The following PVT1 variants were observed in gnomAD, a reference collection of about 807,000 sequenced individuals.
The protein encoded by PVT1 is Pvt1 oncogene.
At chr8:127,805,888 G>A (rs963597980) in intron 2 of PVT1, among the ~76,000 whole-genome samples, 2 of 152,124 alleles carry the variant, frequency 1.3e-5, no homozygotes, top group East Asian at 1.9e-4. Flanking sequence ...AGTGAGACAC[G>A]AAGACTCAGT....
At chr8:128,025,357 G>C (rs1159348918) in intron 4 of PVT1, among the ~76,000 whole-genome samples, 1 of 152,168 alleles carries the variant, frequency 6.6e-6, no homozygotes, top group Non-Finnish European at 1.5e-5. Context: ...TGTCAGGCAG[G>C]TAATAATCCC....
chr8:127,809,515 G>T (rs1009241534), intron 2 of PVT1, among the ~76,000 whole-genome samples: 1 of 152,164 alleles, frequency 6.6e-6, no homozygotes, highest in African/African-American at 2.4e-5. Context: ...TTTGAGGTGG[G>T]GCAGGGATGA....
intron 3 of PVT1, chr8:127,948,318 A>C: frequency 3.6e-5 from 6 of 167,956 alleles, no homozygotes; most frequent in East Asian, 1.6e-4. Flanking sequence ...AAGGAGACCG[A>C]CTCTAGGTGG....
At chr8:127,908,027 A>G (rs1325964917) in intron 3 of PVT1, among the ~76,000 whole-genome samples, 1 of 152,136 alleles carries the variant, frequency 6.6e-6, no homozygotes, top group Non-Finnish European at 1.5e-5. Flanking sequence ...GTGACTAAGG[A>G]GGAAATTCCA....
chr8:127,984,544 C>T (rs1816922490), intron 3 of PVT1, among the ~76,000 whole-genome samples: 1 of 152,226 alleles, frequency 6.6e-6, no homozygotes, highest in South Asian at 2.1e-4. Flanking sequence ...TTGTGTTGAG[C>T]ACTCTGCAGA....
intron 4 of PVT1, among the ~76,000 whole-genome samples, chr8:128,036,165 C>T (rs1445765367): frequency 3.3e-5 from 5 of 152,196 alleles, no homozygotes; most frequent in Non-Finnish European, 7.3e-5. Context: ...AGTTCACGTT[C>T]ACCTTTTGTT....
At chr8:127,907,236 T>G (rs1480572442) in intron 3 of PVT1, among the ~76,000 whole-genome samples, 1 of 151,886 alleles carries the variant, frequency 6.6e-6, no homozygotes, top group Non-Finnish European at 1.5e-5. Context: ...CCCAAAGTGC[T>G]GGGATTACAG....
chr8:127,897,534 GAA>G (rs145672271), intron 3 of PVT1, among the ~76,000 whole-genome samples: 4,513 of 144,360 alleles, frequency 0.031, 216 homozygotes, highest in African/African-American at 0.11. Context: ...AAAGAGGAAA[GAA>G]AGAAAGAGGA....
chr8:128,057,402 T>C (rs958427329), intron 4 of PVT1, among the ~76,000 whole-genome samples: 2 of 152,176 alleles, frequency 1.3e-5, no homozygotes, highest in African/African-American at 4.8e-5. Context: ...CAGGGAGATA[T>C]GTTAAGATTT....
chr8:128,036,434 C>T (rs1813463195), intron 4 of PVT1, among the ~76,000 whole-genome samples: 1 of 152,170 alleles, frequency 6.6e-6, no homozygotes, highest in Non-Finnish European at 1.5e-5. Context: ...ACAGGGATGT[C>T]ACAATGCAGG....
At chr8:127,907,331 G>T (rs535191826) in intron 3 of PVT1, among the ~76,000 whole-genome samples, 1 of 152,282 alleles carries the variant, frequency 6.6e-6, no homozygotes, top group East Asian at 1.9e-4. Context: ...ATGTCAAAAT[G>T]CGGTGCTGTA....
chr8:128,022,862 A>ATTTT (rs57327175), intron 4 of PVT1, among the ~76,000 whole-genome samples: 2 of 133,954 alleles, frequency 1.5e-5, no homozygotes. Context: ...GCAAGCTGAG[A>ATTTT]TTTTTTTTTT....
chr8:128,076,085 G>T (rs1814086000), intron 5 of PVT1, among the ~76,000 whole-genome samples: 1 of 152,220 alleles, frequency 6.6e-6, no homozygotes, highest in South Asian at 2.1e-4. Context: ...ACCCCACAGG[G>T]TTGGATAGTG....
chr8:128,098,643 C>T (rs932846248), intron 6 of PVT1, among the ~76,000 whole-genome samples: 2 of 152,302 alleles, frequency 1.3e-5, no homozygotes, highest in South Asian at 4.2e-4. Flanking sequence ...TACCTGGCAG[C>T]GTGTCTTATA....
chr8:127,892,706 G>C (rs1815626865), intron 3 of PVT1, among the ~76,000 whole-genome samples: 1 of 152,154 alleles, frequency 6.6e-6, no homozygotes, highest in Non-Finnish European at 1.5e-5. Flanking sequence ...GTGACGGTGA[G>C]CTGCAGCAGG....
chr8:128,040,188 C>T (rs570997793), intron 4 of PVT1, among the ~76,000 whole-genome samples: 2 of 152,228 alleles, frequency 1.3e-5, no homozygotes, highest in African/African-American at 2.4e-5. Flanking sequence ...ACATGGAGTA[C>T]GTTTTGAATG....
At chr8:127,923,456 C>T (rs1226492098) in intron 3 of PVT1, among the ~76,000 whole-genome samples, 1 of 152,066 alleles carries the variant, frequency 6.6e-6, no homozygotes, top group South Asian at 2.1e-4. Context: ...CAGAGGAGGA[C>T]GAGGAGGATG....
intron 3 of PVT1, among the ~76,000 whole-genome samples, chr8:127,908,808 C>T (rs1166238959): frequency 1.3e-5 from 2 of 152,112 alleles, no homozygotes; most frequent in African/African-American, 2.4e-5. Flanking sequence ...TCTGAACTAT[C>T]GTAGCAGTAG....
intron 6 of PVT1, among the ~76,000 whole-genome samples, chr8:128,100,386 C>T (rs1372489163): frequency 6.6e-6 from 1 of 152,078 alleles, no homozygotes; most frequent in Non-Finnish European, 1.5e-5. Flanking sequence ...AGGCAATAGA[C>T]CAAAACCTAA....
Sources: allele counts gnomAD v4.1 joint callset (sites outside exome capture counted in the v4.1 genomes callset), GRCh38; gene constraint gnomAD v4.1.1; transcripts MANE v1.5; gene names NCBI Gene and HGNC (gene_info 2026-07-23, HGNC 2026-07-21).